CACNA2D1: variants seen among roughly 807,000 people sequenced by gnomAD.
CACNA2D1 encodes the protein voltage-dependent calcium channel subunit alpha-2/delta-1.
Under a neutral mutation model 171.5 loss-of-function variants are expected in CACNA2D1, and 53 were observed. The observed-to-expected ratio is 0.31, with a 90% confidence interval of 0.25 to 0.39. The LOEUF (loss-of-function observed/expected upper bound fraction) is 0.39, where lower values mean the gene tolerates loss of function less well. Ranked by LOEUF, CACNA2D1 falls within the 10% of genes least tolerant of loss-of-function variation. The pLI, the probability that CACNA2D1 is intolerant of heterozygous loss-of-function variation, is 1.00. For missense variants in CACNA2D1, 903 were observed against 1,299.8 expected (o/e 0.69, Z 4.69); for synonymous variants, 442 against 443.1 (o/e 1.00, Z 0.03).
At chr7:82,369,536 A>C (rs1009408804) in intron 1 of CACNA2D1, among the ~76,000 whole-genome samples, 2 of 152,074 alleles carry the variant, frequency 1.3e-5, no homozygotes, top group African/African-American at 4.8e-5. Flanking sequence ...TATATTCATT[A>C]CATCACAAGA....
chr7:82,105,528 G>A (rs1230330350), intron 6 of CACNA2D1, among the ~76,000 whole-genome samples: 1 of 150,482 alleles, frequency 6.6e-6, no homozygotes, highest in Non-Finnish European at 1.5e-5. Flanking sequence ...TATAAAAGGT[G>A]TAGATTAAAT....
chr7:82,024,759 G>C (rs1052742830), intron 12 of CACNA2D1, among the ~76,000 whole-genome samples: 1 of 151,548 alleles, frequency 6.6e-6, no homozygotes, highest in Admixed American at 6.6e-5. Context: ...TTCTCTTTCA[G>C]GAGTTTTAAC....
Position 82,062,598 on chromosome 7 carries a change from C to CT in CACNA2D1, c.779+1705dup, listed in dbSNP as rs34862731. On this transcript the variant is annotated intron_variant, in intron 9 of 38. Transcript: ENST00000356860. ...TTATCTTTGAGATCAGGTACTATGT[C>CT]TTTTTTTTTTTTTAATATACTTTAA... Among the ~76,000 whole-genome samples, 472 of 141,788 alleles carry CT rather than the reference C, an allele frequency of 3.3e-3. 3 individuals carry two copies. Among genetic ancestry groups the CT allele is most frequent in the East Asian group, 5.5e-3 (26 of 4,732 alleles). The allele number at this position is 141,788 out of a possible 152,430, so 93.0% of individuals were successfully genotyped here.
chr7:82,387,581 G>A (rs1436472564), intron 1 of CACNA2D1, among the ~76,000 whole-genome samples: 2 of 152,048 alleles, frequency 1.3e-5, no homozygotes, highest in Non-Finnish European at 2.9e-5. Flanking sequence ...TTGATATGAT[G>A]TTCTAACAAT....
chr7:81,985,196 C>CTTTT lies in CACNA2D1; in HGVS notation c.1797-489_1797-486dup, dbSNP rs774555240. Among the ~76,000 whole-genome samples the CTTTT allele has an allele frequency of 1.1e-3, 113 of 104,162 alleles. 1 individual carries two copies. The highest frequency in any genetic ancestry group is 1.9e-3 in the African/African-American group (47 of 24,298). The allele number at this position is 104,162 out of a possible 152,430, so 68.3% of individuals were successfully genotyped here. On this transcript the variant is annotated intron_variant, in intron 21 of 38. Transcript: ENST00000356860. ...AATGGAAGAGTTACTATTATCATTA[C>CTTTT]TTTTTTTTTTTTTTTTTTTTTGGAG...
At chr7:82,237,176 AAT>A (rs1290873135) in intron 3 of CACNA2D1, among the ~76,000 whole-genome samples, 1 of 151,946 alleles carries the variant, frequency 6.6e-6, no homozygotes. Flanking sequence ...ACCAGAAAAA[AAT>A]ATGTTCTAAA....
At chr7:82,306,979 G>T (rs1813817490) in intron 3 of CACNA2D1, among the ~76,000 whole-genome samples, 1 of 151,882 alleles carries the variant, frequency 6.6e-6, no homozygotes, top group Non-Finnish European at 1.5e-5. Flanking sequence ...GTTCTCAACA[G>T]CCTGCTTTGG....
chr7:81,967,891 A>G (rs1327942528), intron 29 of CACNA2D1, among the ~76,000 whole-genome samples: 2 of 151,544 alleles, frequency 1.3e-5, no homozygotes, highest in Non-Finnish European at 3.0e-5. Flanking sequence ...AACTAATACA[A>G]TAAGCTAAAT....
intron 3 of CACNA2D1, among the ~76,000 whole-genome samples, chr7:82,188,092 C>G (rs182797411): frequency 6.6e-5 from 10 of 152,202 alleles, no homozygotes; most frequent in Admixed American, 2.0e-4. Flanking sequence ...TTTATAAGAG[C>G]ACTAATCACA....
chr7:82,077,704 TCAA>T (rs893968746), intron 7 of CACNA2D1, among the ~76,000 whole-genome samples: 16 of 150,100 alleles, frequency 1.1e-4, no homozygotes, highest in African/African-American at 3.5e-4. Flanking sequence ...TATATAATGA[TCAA>T]CAACTATATA....
chr7:81,975,457 C>G (rs1041034775), intron 24 of CACNA2D1, among the ~76,000 whole-genome samples: 3 of 152,110 alleles, frequency 2.0e-5, no homozygotes, highest in Non-Finnish European at 4.4e-5. Flanking sequence ...TTGGTCTATA[C>G]AGAAAATTTG....
At chr7:82,167,458 G>A (rs1390873651) in intron 4 of CACNA2D1, among the ~76,000 whole-genome samples, 2 of 152,116 alleles carry the variant, frequency 1.3e-5, no homozygotes, top group African/African-American at 2.4e-5. Flanking sequence ...AAAAAGCTGA[G>A]AGGAATGTAT....
At chr7:82,117,782 A>C (rs1308501125) in intron 5 of CACNA2D1, among the ~76,000 whole-genome samples, 1 of 150,440 alleles carries the variant, frequency 6.6e-6, no homozygotes, top group Non-Finnish European at 1.5e-5. Flanking sequence ...CCCTGCCTCA[A>C]ATAAATAAAC....
chr7:82,314,438 T>C (rs1814845442), intron 3 of CACNA2D1, among the ~76,000 whole-genome samples: 1 of 152,140 alleles, frequency 6.6e-6, no homozygotes, highest in Non-Finnish European at 1.5e-5. Context: ...ATGAAACTTC[T>C]GGCAAAAACA....
At chr7:82,197,385 C>T (rs1798956197) in intron 3 of CACNA2D1, among the ~76,000 whole-genome samples, 1 of 151,930 alleles carries the variant, frequency 6.6e-6, no homozygotes, top group Admixed American at 6.6e-5. Context: ...TTTTCTAATT[C>T]AAGATTATTA....
intron 3 of CACNA2D1, among the ~76,000 whole-genome samples, chr7:82,291,561 ATATATT>A (rs941329017): frequency 4.3e-5 from 6 of 140,930 alleles, no homozygotes; most frequent in East Asian, 2.0e-4. Context: ...ATATAAATAT[ATATATT>A]TATATTTATA....
chr7:82,241,913 C>T (rs2129296609), intron 3 of CACNA2D1, among the ~76,000 whole-genome samples: 1 of 152,216 alleles, frequency 6.6e-6, no homozygotes, highest in African/African-American at 2.4e-5. Context: ...AACCTTAACA[C>T]AGAGAACATA....
intron 3 of CACNA2D1, among the ~76,000 whole-genome samples, chr7:82,223,995 C>G (rs964026741): frequency 1.1e-4 from 16 of 152,128 alleles, no homozygotes; most frequent in Non-Finnish European, 2.1e-4. Context: ...AGCTTGGGCC[C>G]TTCCTACATC....
chr7:82,438,267 A>C (rs931146982), intron 1 of CACNA2D1, among the ~76,000 whole-genome samples: 1 of 152,130 alleles, frequency 6.6e-6, no homozygotes, highest in Non-Finnish European at 1.5e-5. Flanking sequence ...TACCTTACTG[A>C]GGTTTTTCTA....
Sources: allele counts gnomAD v4.1 joint callset (sites outside exome capture counted in the v4.1 genomes callset), GRCh38; gene constraint gnomAD v4.1.1; transcripts MANE v1.5; gene names NCBI Gene and HGNC (gene_info 2026-07-23, HGNC 2026-07-21).